The following ADAM18 variants were observed in gnomAD, a reference collection of about 807,000 sequenced individuals.
ADAM18 encodes disintegrin and metalloproteinase domain-containing protein 18.
ADAM18 carries 117 observed loss-of-function variants against 94.4 expected under a neutral mutation model. That is an observed-to-expected ratio of 1.24 (90% CI 1.07 to 1.45). ADAM18 has a LOEUF of 1.45. Ranked by LOEUF, ADAM18 falls within the 40% of genes most tolerant of loss-of-function variation. The pLI, the probability that ADAM18 is intolerant of heterozygous loss-of-function variation, is 0.00. For synonymous variants in ADAM18, 327 were observed against 291.6 expected (o/e 1.12, Z -1.24); for missense variants, 936 against 880.0 (o/e 1.06, Z -0.81).
In ADAM18 at chr8:39,609,056, A is replaced by G; in HGVS notation, c.203A>G (p.Gln68Arg). Residue 68 changes from glutamine (Q) to arginine (R), a missense_variant, in exon 4 of 20, where the codon CAG (glutamine) becomes CGG (arginine). By Grantham distance (43) the Gln-to-Arg change is conservative (BLOSUM62 1). Transcript: ENST00000265707. Reference protein sequence around the residue: ...LHLGKQSFLPQNFLVYTYNET... With the variant: ...LHLGKQSFLPRNFLVYTYNET... ...TGGTTTTTTAGATCATTCTTACCCC[A>G]GAACTTTTTGGTTTATACATATAAT... The G allele has an allele frequency of 6.3e-7, 1 of 1,579,394 alleles. No homozygotes were observed. Among genetic ancestry groups the G allele is most frequent in the Non-Finnish European group, 8.6e-7 (1 of 1,161,570 alleles).
chr8:39,727,929 C>T (rs917153434), intron 19 of ADAM18, among the ~76,000 whole-genome samples: 12 of 152,132 alleles, frequency 7.9e-5, no homozygotes, highest in African/African-American at 2.7e-4. Flanking sequence ...GGGACTTAAT[C>T]GGCTCACAGT....
intron 11 of ADAM18, among the ~76,000 whole-genome samples, chr8:39,646,391 T>C (rs1371293765): frequency 6.6e-6 from 1 of 151,382 alleles, no homozygotes; most frequent in Non-Finnish European, 1.5e-5. Context: ...ATTAAAACAA[T>C]TAAAATAATC....
At chr8:39,660,066 G>A (rs1820793027) in intron 12 of ADAM18, among the ~76,000 whole-genome samples, 1 of 152,004 alleles carries the variant, frequency 6.6e-6, no homozygotes, top group Non-Finnish European at 1.5e-5. Context: ...TTTTATGTAA[G>A]CCTTATGATA....
At chr8:39,705,271 C>G (rs142702266) in intron 17 of ADAM18, among the ~76,000 whole-genome samples, 1 of 152,056 alleles carries the variant, frequency 6.6e-6, no homozygotes, top group African/African-American at 2.4e-5. Flanking sequence ...CCAATTGTTA[C>G]GTAATCTCCA....
rs779114172 is a variant in ADAM18, at chr8:39,645,387, T to G, written c.959T>G (p.Leu320Arg). Residue 320 changes from leucine (L) to arginine (R), a missense_variant, in exon 11 of 20, where the codon CTG (leucine) becomes CGG (arginine). By Grantham distance (102) the Leu-to-Arg change is moderately radical. Coordinates refer to ENST00000265707, the MANE Select transcript of ADAM18 (RefSeq NM_014237.3). ...GGATTTTCGGTTATTATAGCTCAAC[T>G]GCTTGGCCTTAATGTAGGATTAACA... The part of the protein sequence containing the change: ...LEGFSVIIAQ[L>R]LGLNVGLTYD... 2 of 1,612,736 alleles carry G rather than the reference T, an allele frequency of 1.2e-6. No homozygotes were observed. Among genetic ancestry groups the G allele is most frequent in the South Asian group, 2.2e-5 (2 of 90,918 alleles).
At chr8:39,630,168 T>C (rs1819893187) in intron 7 of ADAM18, among the ~76,000 whole-genome samples, 1 of 151,960 alleles carries the variant, frequency 6.6e-6, no homozygotes, top group Non-Finnish European at 1.5e-5. Context: ...TCTTAAAATA[T>C]GTTTCAGCAT....
chr8:39,701,489 CATTTT>C (rs1321509718), intron 17 of ADAM18, among the ~76,000 whole-genome samples: 13 of 151,924 alleles, frequency 8.6e-5, no homozygotes, highest in Non-Finnish European at 1.8e-4. Context: ...TTTTGGCTTT[CATTTT>C]AAGTTCAAGG....
intron 15 of ADAM18, 22 bp from the exon 16 acceptor site, chr8:39,680,015 A>C: frequency 6.2e-7 from 1 of 1,612,090 alleles, no homozygotes; most frequent in Admixed American, 1.7e-5. Context: ...CTGATAAGGA[A>C]CTTTTTGCTT....
intron 18 of ADAM18, among the ~76,000 whole-genome samples, chr8:39,711,292 G>A (rs1390002987): frequency 3.9e-5 from 6 of 152,126 alleles, no homozygotes; most frequent in Admixed American, 3.9e-4. Context: ...GGTAGATGAG[G>A]AGATAATCAG....
At chr8:39,612,992 A>G (rs1585898217) in intron 6 of ADAM18, among the ~76,000 whole-genome samples, 1 of 152,088 alleles carries the variant, frequency 6.6e-6, no homozygotes, top group Non-Finnish European at 1.5e-5. Flanking sequence ...ACATGTACAC[A>G]TGCAGACCCC....
At chr8:39,611,226 T>C in intron 6 of ADAM18, 3 of 562,980 alleles carry the variant, frequency 5.3e-6, no homozygotes, top group Non-Finnish European at 6.7e-6. Context: ...ATTATTCTTA[T>C]TGGGAATTCC....
intron 14 of ADAM18, among the ~76,000 whole-genome samples, chr8:39,676,509 A>G (rs1821305824): frequency 6.6e-6 from 1 of 152,150 alleles, no homozygotes; most frequent in African/African-American, 2.4e-5. Flanking sequence ...GAAAAGTGCA[A>G]TATTTGGGTA....
intron 6 of ADAM18, among the ~76,000 whole-genome samples, chr8:39,613,632 G>A (rs1041689656): frequency 6.6e-6 from 1 of 152,060 alleles, no homozygotes; most frequent in African/African-American, 2.4e-5. Context: ...AAGCTGAAAC[G>A]ACTGAAATTA....
chr8:39,679,996 A>G (rs761055832), intron 15 of ADAM18, 41 bp from the exon 16 acceptor site: 6 of 1,590,616 alleles, frequency 3.8e-6, no homozygotes, highest in Non-Finnish European at 5.2e-6. Context: ...GTTATCATTA[A>G]GAGATAAACT....
intron 6 of ADAM18, among the ~76,000 whole-genome samples, chr8:39,613,898 T>C (rs1819354752): frequency 6.6e-6 from 1 of 152,136 alleles, no homozygotes; most frequent in Non-Finnish European, 1.5e-5. Context: ...AAAACTGTTT[T>C]GTCAAATCAA....
chr8:39,713,894 G>T (rs1459068084), intron 18 of ADAM18, among the ~76,000 whole-genome samples: 1 of 152,116 alleles, frequency 6.6e-6, no homozygotes, highest in Non-Finnish European at 1.5e-5. Flanking sequence ...ATTCCTCAAG[G>T]ATCTAGATCT....
chr8:39,684,153 T>C (rs1297561051), intron 16 of ADAM18, among the ~76,000 whole-genome samples: 1 of 152,016 alleles, frequency 6.6e-6, no homozygotes, highest in Admixed American at 6.6e-5. Context: ...ATACATAAAA[T>C]AAATAGATAA....
intron 2 of ADAM18, among the ~76,000 whole-genome samples, chr8:39,603,709 G>C (rs2129578258): frequency 6.6e-6 from 1 of 152,256 alleles, no homozygotes; most frequent in Admixed American, 6.5e-5. Flanking sequence ...CTCTCTATAT[G>C]ACCCTTGATG....
chr8:39,600,116 C>G (rs1272693564), intron 2 of ADAM18, among the ~76,000 whole-genome samples: 1 of 152,050 alleles, frequency 6.6e-6, no homozygotes, highest in African/African-American at 2.4e-5. Flanking sequence ...TTGGTTATTT[C>G]TTGCTAATAA....
Sources: allele counts gnomAD v4.1 joint callset (sites outside exome capture counted in the v4.1 genomes callset), GRCh38; gene constraint gnomAD v4.1.1; transcripts MANE v1.5; gene names NCBI Gene and HGNC (gene_info 2026-07-23, HGNC 2026-07-21).